ZFHX3: variants seen among roughly 807,000 people sequenced by gnomAD.
ZFHX3 encodes the protein zinc finger homeobox 3.
Under a neutral mutation model 279.1 loss-of-function variants are expected in ZFHX3, and 42 were observed. That is an observed-to-expected ratio of 0.15 (90% CI 0.12 to 0.19). The LOEUF (loss-of-function observed/expected upper bound fraction) is 0.19, where lower values mean the gene tolerates loss of function less well. ZFHX3 is among the 10% of genes least tolerant of loss of function. The pLI, the probability that ZFHX3 is intolerant of heterozygous loss-of-function variation, is 1.00. For synonymous variants in ZFHX3, 2,293 were observed against 1,957.8 expected (o/e 1.17, Z -4.52); for missense variants, 4,981 against 4,754.0 (o/e 1.05, Z -1.40).
intron 8 of ZFHX3, among the ~76,000 whole-genome samples, chr16:73,076,418 T>A (rs1954998901): frequency 6.6e-6 from 1 of 152,166 alleles, no homozygotes; most frequent in African/African-American, 2.4e-5. Flanking sequence ...CTGATATACC[T>A]CGTTCCAGCC....
intron 1 of ZFHX3, among the ~76,000 whole-genome samples, chr16:73,738,714 G>A (rs141470258): frequency 6.6e-6 from 1 of 152,292 alleles, no homozygotes; most frequent in East Asian, 1.9e-4. Flanking sequence ...AGACACCATT[G>A]TTTTGTTGGT....
intron 4 of ZFHX3, among the ~76,000 whole-genome samples, chr16:72,856,280 C>G (rs1439748650): frequency 1.3e-5 from 2 of 152,234 alleles, no homozygotes; most frequent in East Asian, 3.9e-4. Flanking sequence ...TGACAATGAG[C>G]ACGCACGTGG....
At chr16:73,575,625 C>A (rs1032853843) in intron 2 of ZFHX3, among the ~76,000 whole-genome samples, 3 of 152,260 alleles carry the variant, frequency 2.0e-5, no homozygotes, top group Admixed American at 6.5e-5. Flanking sequence ...CTCATTCACA[C>A]GGAAGGATTT....
chr16:73,181,086 TTTTG>T (rs1967782895), intron 5 of ZFHX3, among the ~76,000 whole-genome samples: 1 of 76,354 alleles, frequency 1.3e-5, no homozygotes, highest in African/African-American at 4.7e-5. Context: ...TGTTTGTTTG[TTTTG>T]TTTTGTTTTG....
At chr16:73,014,522 T>A (rs1219915540) in intron 1 of ZFHX3, 2 of 125,118 alleles carry the variant, frequency 1.6e-5, no homozygotes, top group Admixed American at 7.8e-5. Flanking sequence ...CTTCTTCTTT[T>A]TTTTTTTTTT....
At chr16:73,344,776 A>C (rs2016094623) in intron 3 of ZFHX3, among the ~76,000 whole-genome samples, 1 of 152,180 alleles carries the variant, frequency 6.6e-6, no homozygotes, top group Admixed American at 6.5e-5. Context: ...ATGGTAAGGG[A>C]ATGGGACAAA....
chr16:73,330,643 A>G (rs923009594), intron 3 of ZFHX3, among the ~76,000 whole-genome samples: 5 of 152,174 alleles, frequency 3.3e-5, no homozygotes, highest in African/African-American at 1.2e-4. Flanking sequence ...GTGGATGTGG[A>G]TATGTTCAGC....
chr16:73,297,654 A>G (rs1357380089), intron 4 of ZFHX3, among the ~76,000 whole-genome samples: 1 of 151,948 alleles, frequency 6.6e-6, no homozygotes, highest in Non-Finnish European at 1.5e-5. Flanking sequence ...TTCTCATTTT[A>G]AAAGAGAAAC....
At chr16:73,178,490 T>G (rs2144875602) in intron 5 of ZFHX3, among the ~76,000 whole-genome samples, 1 of 152,208 alleles carries the variant, frequency 6.6e-6, no homozygotes. Flanking sequence ...AAAGACTCCT[T>G]CATCATTTTC....
chr16:73,426,113 T>C (rs2143503836), intron 3 of ZFHX3, among the ~76,000 whole-genome samples: 1 of 152,288 alleles, frequency 6.6e-6, no homozygotes, highest in Non-Finnish European at 1.5e-5. Flanking sequence ...TGGTGTGCAC[T>C]GGGCCGCCCA....
intron 1 of ZFHX3, among the ~76,000 whole-genome samples, chr16:72,987,174 G>A (rs1025041167): frequency 3.9e-5 from 6 of 152,072 alleles, no homozygotes; most frequent in African/African-American, 1.2e-4. Context: ...ACAAAACAAA[G>A]AACTCAAGTT....
intron 4 of ZFHX3, among the ~76,000 whole-genome samples, chr16:73,299,078 T>C (rs896325062): frequency 8.5e-5 from 13 of 152,142 alleles, no homozygotes; most frequent in Non-Finnish European, 1.0e-4. Flanking sequence ...TAAATATAAA[T>C]TATGATGATG....
intron 3 of ZFHX3, among the ~76,000 whole-genome samples, chr16:73,386,371 A>G (rs1443931268): frequency 6.6e-6 from 1 of 152,212 alleles, no homozygotes; most frequent in Non-Finnish European, 1.5e-5. Flanking sequence ...CTAGATGTGC[A>G]TATATGAATA....
At chr16:72,889,317 C>G (rs140429954) in intron 4 of ZFHX3, among the ~76,000 whole-genome samples, 5 of 151,988 alleles carry the variant, frequency 3.3e-5, no homozygotes, top group Non-Finnish European at 5.9e-5. Context: ...GCAGGACACA[C>G]GATGTAGCAT....
At chr16:73,380,598 T>C (rs1194576021) in intron 3 of ZFHX3, among the ~76,000 whole-genome samples, 1 of 152,220 alleles carries the variant, frequency 6.6e-6, no homozygotes, top group Non-Finnish European at 1.5e-5. Flanking sequence ...AAAAATCAAT[T>C]GCTTCACTCT....
chr16:73,541,936 G>A (rs1035734443), intron 2 of ZFHX3, among the ~76,000 whole-genome samples: 1 of 151,528 alleles, frequency 6.6e-6, no homozygotes, highest in Non-Finnish European at 1.5e-5. Context: ...TGAGTAGCTA[G>A]GACTATAGGC....
chr16:72,838,796 T>C (rs2037265907), intron 4 of ZFHX3, among the ~76,000 whole-genome samples: 1 of 152,212 alleles, frequency 6.6e-6, no homozygotes, highest in South Asian at 2.1e-4. Context: ...GCACCTGGGT[T>C]GCCCCCTGCA....
Position 73,486,185 on chromosome 16 carries a change from T to C in ZFHX3, c.-1546-29927A>G, listed in dbSNP as rs577707956. 7.2e-5 allele frequency among the ~76,000 whole-genome samples: 11 copies of C among 152,350 alleles called. 1 individual carries two copies. The South Asian group carries it at 1.7e-3, about 23-fold the overall frequency. On this transcript the variant is annotated intron_variant, in intron 2 of 17. Coordinates refer to the ZFHX3 transcript ENST00000641206. ...CTAAATCAAATGGATTCGATTCAGC[T>C]ATGACAGGAAATATCCTCTCCATTT...
chr16:73,112,578 T>C (rs1966387596), intron 7 of ZFHX3, among the ~76,000 whole-genome samples: 1 of 151,506 alleles, frequency 6.6e-6, no homozygotes, highest in African/African-American at 2.4e-5. Context: ...CCGGGCGTGG[T>C]GGCACATGTC....
Sources: allele counts gnomAD v4.1 joint callset (sites outside exome capture counted in the v4.1 genomes callset), GRCh38; gene constraint gnomAD v4.1.1; transcripts MANE v1.5; gene names NCBI Gene and HGNC (gene_info 2026-07-23, HGNC 2026-07-21).